The following TRIM5 variants were observed in gnomAD, a reference collection of about 807,000 sequenced individuals.
TRIM5 encodes tripartite motif-containing protein 5.
A neutral mutation model predicts 35.6 loss-of-function variants in TRIM5; 31 were observed. That is an observed-to-expected ratio of 0.87 (90% CI 0.65 to 1.18). The LOEUF (loss-of-function observed/expected upper bound fraction) is 1.18. Ranked by LOEUF, TRIM5 falls within the 50% of genes most tolerant of loss-of-function variation. The pLI is 0.00. For missense variants in TRIM5, 609 were observed against 591.6 expected (o/e 1.03, Z -0.31); for synonymous variants, 243 against 215.6 (o/e 1.13, Z -1.11).
At chr11:5,665,461 C>A (rs763732908) in intron 7 of TRIM5, 66 bp from the exon 8 acceptor site, 2 of 1,543,680 alleles carry the variant, frequency 1.3e-6, no homozygotes, top group Non-Finnish European at 1.7e-6. Context: ...TGAGAGAAAT[C>A]TTGATAAAGA....
intron 4 of TRIM5, among the ~76,000 whole-genome samples, chr11:5,671,317 CA>C (rs148744959): frequency 6.9e-6 from 1 of 145,742 alleles, no homozygotes; most frequent in African/African-American, 2.5e-5. Context: ...AAAAAAAACA[CA>C]AAAAAACCCC....
At chr11:5,610,779 G>C in the TRIM5 span, 5 of 1,613,732 alleles carry the variant, frequency 3.1e-6, no homozygotes, top group Non-Finnish European at 4.2e-6. Context: ...TCCTACAGTT[G>C]ACGTGACCCT....
At chr11:5,638,524 A>G in the TRIM5 span, among the ~76,000 whole-genome samples, 1 of 152,230 alleles carries the variant, frequency 6.6e-6, no homozygotes, top group African/African-American at 2.4e-5. Context: ...ATATTGGTAC[A>G]TCTTGCTCAA....
the TRIM5 span, among the ~76,000 whole-genome samples, chr11:5,592,925 A>G: frequency 7.1e-6 from 1 of 141,138 alleles, no homozygotes; most frequent in Admixed American, 7.1e-5. Context: ...AAAAAAAAAA[A>G]AAAAAGAAAA....
the TRIM5 span, among the ~76,000 whole-genome samples, chr11:5,649,157 C>T: frequency 6.6e-6 from 1 of 152,186 alleles, no homozygotes; most frequent in Non-Finnish European, 1.5e-5. Flanking sequence ...AGTGAAGGAG[C>T]CATGAGGACC....
At chr11:5,598,074 T>G in the TRIM5 span, among the ~76,000 whole-genome samples, 1 of 152,202 alleles carries the variant, frequency 6.6e-6, no homozygotes, top group Admixed American at 6.5e-5. Flanking sequence ...ATTTGGGCTC[T>G]TTCTTCTGCT....
At chr11:5,634,449 C>T in the TRIM5 span, among the ~76,000 whole-genome samples, 22 of 129,810 alleles carry the variant, frequency 1.7e-4, no homozygotes, top group African/African-American at 5.5e-4. Flanking sequence ...AAAAAAAAAT[C>T]GATATATAGA....
At chr11:5,601,107 C>G in the TRIM5 span, among the ~76,000 whole-genome samples, 1 of 152,196 alleles carries the variant, frequency 6.6e-6, no homozygotes, top group Admixed American at 6.5e-5. Flanking sequence ...CCCTTAGGAT[C>G]CTGCTGAAGT....
chr11:5,609,603 A>G, the TRIM5 span, among the ~76,000 whole-genome samples: 3 of 152,194 alleles, frequency 2.0e-5, no homozygotes, highest in African/African-American at 4.8e-5. Context: ...AAAAACAACA[A>G]CAGAAAAACA....
chr11:5,674,813 A>G (rs1851821739), intron 4 of TRIM5, among the ~76,000 whole-genome samples: 1 of 152,264 alleles, frequency 6.6e-6, no homozygotes, highest in African/African-American at 2.4e-5. Context: ...ACTGTATAAC[A>G]TCACTTAGTA....
the TRIM5 span, chr11:5,603,726 G>A: frequency 1.7e-5 from 27 of 1,613,266 alleles, 1 homozygote; most frequent in Middle Eastern, 3.3e-4. Context: ...AGGTTGCCCA[G>A]GAGTACCAGG....
the TRIM5 span, chr11:5,634,724 T>C: frequency 1.2e-6 from 2 of 1,613,938 alleles, no homozygotes; most frequent in South Asian, 1.1e-5. Context: ...GCTGCAAAGA[T>C]TGGAAGAAGA....
chr11:5,589,967 C>A, the TRIM5 span: 2 of 155,088 alleles, frequency 1.3e-5, no homozygotes, highest in Non-Finnish European at 2.8e-5. Flanking sequence ...GGGCCCCGCA[C>A]TGGGAGCAGG....
chr11:5,668,659 A>G (rs995968539), intron 4 of TRIM5, among the ~76,000 whole-genome samples: 2 of 152,122 alleles, frequency 1.3e-5, no homozygotes, highest in Admixed American at 1.3e-4. Context: ...CATGTTGGTC[A>G]GGCTGGTCTT....
At chr11:5,648,366 C>T in the TRIM5 span, among the ~76,000 whole-genome samples, 1 of 151,930 alleles carries the variant, frequency 6.6e-6, no homozygotes, top group African/African-American at 2.4e-5. Flanking sequence ...ATTAGCCGGG[C>T]GTGGTGGCGG....
At chr11:5,644,366 A>G in the TRIM5 span, 2 of 397,638 alleles carry the variant, frequency 5.0e-6, no homozygotes, top group East Asian at 3.6e-5. Context: ...TGTCTGGAAC[A>G]TAATAAATAT....
the TRIM5 span, chr11:5,634,492 TACACACACACACACAC>T: frequency 1.8e-4 from 40 of 228,032 alleles, no homozygotes; most frequent in South Asian, 2.9e-4. Context: ...ATAATATAAA[TACACACACACACACAC>T]ACACACACAC....
the TRIM5 span, chr11:5,610,619 C>T: frequency 6.3e-7 from 1 of 1,590,850 alleles, no homozygotes; most frequent in Non-Finnish European, 8.6e-7. Context: ...TTCACATGCC[C>T]TCCCCAGACA....
chr11:5,609,922 C>CAA, the TRIM5 span, among the ~76,000 whole-genome samples: 2 of 149,252 alleles, frequency 1.3e-5, no homozygotes, highest in Admixed American at 1.3e-4. Flanking sequence ...GACTCCTTCT[C>CAA]AAAAAAAAAA....
Sources: gnomAD v4.1 joint callset for allele counts (sites outside exome capture counted in the v4.1 genomes callset) on GRCh38, gnomAD v4.1.1 for gene constraint, MANE v1.5 for transcripts, NCBI Gene and HGNC (gene_info 2026-07-23, HGNC 2026-07-21) for gene names.